Variants in NUCB1 observed in about 807,000 individuals in gnomAD.
NUCB1 encodes nucleobindin-1.
NUCB1 carries 47 observed loss-of-function variants against 61.2 expected under a neutral mutation model. The ratio of observed to expected loss-of-function variants is 0.77; its 90% CI spans 0.61 to 0.98. The LOEUF is 0.98. Ranked by LOEUF, NUCB1 falls within the 50% of genes least tolerant of loss-of-function variation. The pLI, the probability that NUCB1 is intolerant of heterozygous loss-of-function variation, is 0.00. For missense variants in NUCB1, 583 were observed against 605.3 expected (o/e 0.96, Z 0.39); for synonymous variants, 234 against 243.1 (o/e 0.96, Z 0.35).
intron 4 of NUCB1, among the ~76,000 whole-genome samples, chr19:48,907,273 T>A (rs1432197783): frequency 8.1e-6 from 1 of 123,918 alleles, no homozygotes; most frequent in South Asian, 2.7e-4. Context: ...GCGCCTGGCC[T>A]TTTTTTTTTT....
intron 3 of NUCB1, among the ~76,000 whole-genome samples, chr19:48,905,512 G>A (rs1312084080): frequency 6.6e-6 from 1 of 152,064 alleles, no homozygotes; most frequent in Non-Finnish European, 1.5e-5. Flanking sequence ...GTGACCCACC[G>A]CACCTGGCCC....
chr19:48,900,962 G>T, intron 2 of NUCB1, 31 bp downstream of exon 2: 1 of 1,613,304 alleles, frequency 6.2e-7, no homozygotes, highest in Non-Finnish European at 8.5e-7. Context: ...ATCCAGCCAG[G>T]TGTTTGCAGT....
intron 5 of NUCB1, 149 bp from the exon 6 acceptor site, chr19:48,912,862 A>AAAAG (rs56057845): frequency 2.5e-6 from 1 of 399,516 alleles, no homozygotes; most frequent in African/African-American, 2.1e-5. Context: ...AAAAAAAAAA[A>AAAAG]GGGACATTAG....
chr19:48,913,817 G>A (rs77772024), intron 7 of NUCB1, among the ~76,000 whole-genome samples: 15,108 of 152,166 alleles, frequency 0.099, 843 homozygotes, highest in Middle Eastern at 0.16. Context: ...TCCTCTGTAA[G>A]CAAACCAGGC....
intron 5 of NUCB1, 26 bp from the exon 6 acceptor site, chr19:48,912,985 G>A: frequency 8.9e-6 from 14 of 1,568,612 alleles, no homozygotes; most frequent in East Asian, 2.3e-5. Context: ...GGGGGCAGAG[G>A]GGAATGACCC....
chr19:48,908,486 G>A (rs1427329704), intron 4 of NUCB1, among the ~76,000 whole-genome samples: 20 of 152,104 alleles, frequency 1.3e-4, no homozygotes, highest in Non-Finnish European at 2.6e-4. Context: ...AGCGGCCGGC[G>A]CTGGGTCAGC....
chr19:48,910,941 TGTTA>T (rs2037464657), intron 4 of NUCB1: 4 of 476,414 alleles, frequency 8.4e-6, no homozygotes, highest in South Asian at 4.6e-5. Context: ...AGGCACTACA[TGTTA>T]GTTTTTATTA....
intron 2 of NUCB1, among the ~76,000 whole-genome samples, chr19:48,903,435 T>TGGGTGGGG (rs2037373783): frequency 1.2e-5 from 1 of 86,862 alleles, no homozygotes; most frequent in African/African-American, 7.8e-5. Context: ...GGTGGATGAG[T>TGGGTGGGG]GGATGGATGG....
rs761983123 is a variant in NUCB1 at position 48,921,851 on chromosome 19, A to AAGC, written c.1218_1220dup (p.Gln407dup). On this transcript the variant is annotated inframe_insertion, in exon 12 of 13. Coordinates refer to ENST00000405315, the MANE Select transcript of NUCB1 (RefSeq NM_006184.6). ...GGCTGTGCTGCACATGGAGCAGCGGAAGCAGCAGCAGCAGCAGCAGCAAGG... is the reference window on the plus strand; with the variant it reads ...GGCTGTGCTGCACATGGAGCAGCGGAAGCAGCAGCAGCAGCAGCAGCAGCAAGG... The AAGC allele has an allele frequency of 8.4e-5, 135 of 1,612,312 alleles. No individual in the cohort carries two copies. Among genetic ancestry groups the AAGC allele is most frequent in the African/African-American group, 1.9e-4 (14 of 75,012 alleles).
At chr19:48,909,202 C>A (rs1383329545) in intron 4 of NUCB1, among the ~76,000 whole-genome samples, 1 of 151,626 alleles carries the variant, frequency 6.6e-6, no homozygotes, top group Non-Finnish European at 1.5e-5. Context: ...GTGCCTGGCC[C>A]AAATTTCTCC....
chr19:48,915,292 A>G (rs979750669), intron 7 of NUCB1, among the ~76,000 whole-genome samples: 5 of 151,672 alleles, frequency 3.3e-5, no homozygotes, highest in African/African-American at 4.8e-5. Context: ...CAGCCTGGCC[A>G]ACATGGCAAA....
Position 48,913,200 on chromosome 19 carries a change from A to G in NUCB1, c.666+4A>G. 6.2e-7 allele frequency: 1 copy of G among 1,607,498 alleles called. No individual in the cohort carries two copies. The highest frequency in any genetic ancestry group is 8.5e-7 in the Non-Finnish European group (1 of 1,177,102). On this transcript the variant is annotated splice_donor_region_variant and intron_variant, in intron 6 of 12. Coordinates refer to ENST00000405315, the MANE Select transcript of NUCB1 (RefSeq NM_006184.6). Reference sequence around the variant, plus strand: ...GCACCCTAAAGTCAACGTGCCTGTGAGGACCCCATTTGTGCCCATCCACTC... The same window carrying G: ...GCACCCTAAAGTCAACGTGCCTGTGGGGACCCCATTTGTGCCCATCCACTC...
rs758626011 is a variant in NUCB1, at chr19:48,911,227, G to A, written c.455G>A (p.Arg152His). Residue 152 changes from arginine (R) to histidine (H), a missense_variant, in exon 5 of 13, where the codon CGC becomes CAC. Transcript: ENST00000405315. The stretch of plus-strand genomic sequence containing the variant: ...CAGAACCAGCATACATTCGAGGCCC[G>A]CGACCTGGAGCTGCTGATCCAGACG... ...DPQNQHTFEA[R>H]DLELLIQTAT... 1.9e-5 allele frequency: 30 copies of A among 1,613,338 alleles called. No homozygotes were observed. The highest frequency in any genetic ancestry group is 2.3e-5 in the Non-Finnish European group (27 of 1,179,600).
At chr19:48,910,306 G>T (rs559314530) in intron 4 of NUCB1, among the ~76,000 whole-genome samples, 239 of 151,676 alleles carry the variant, frequency 1.6e-3, no homozygotes, top group African/African-American at 5.2e-3. Flanking sequence ...TCAATCTCTT[G>T]ATCTTGTGAT....
intron 2 of NUCB1, among the ~76,000 whole-genome samples, chr19:48,903,256 C>T (rs1044575873): frequency 3.3e-4 from 50 of 152,110 alleles, no homozygotes; most frequent in South Asian, 6.2e-4. Flanking sequence ...CACCCAGCTA[C>T]GCATGACGGG....
Position 48,900,770 on chromosome 19 carries a change from C to A in NUCB1, c.-11-16C>A. On this transcript the variant is annotated splice_polypyrimidine_tract_variant and intron_variant, in intron 1 of 12. Transcript: ENST00000405315. Reference sequence around the variant, plus strand: ...GGACAGACATTATGCATTATCCAGCCCTCCATCCCCCACAGACCACACTGC... The same window carrying A: ...GGACAGACATTATGCATTATCCAGCACTCCATCCCCCACAGACCACACTGC... The A allele has an allele frequency of 6.2e-7, 1 of 1,611,716 alleles. No individual in the cohort carries two copies.
chr19:48,900,741 C>T, intron 1 of NUCB1, 45 bp from the exon 2 acceptor site: 1 of 1,589,880 alleles, frequency 6.3e-7, no homozygotes, highest in Non-Finnish European at 8.6e-7. Flanking sequence ...GAGGAAGAGG[C>T]TTGGGACAGA....
chr19:48,915,760 C>T (rs898978983), intron 7 of NUCB1, among the ~76,000 whole-genome samples: 8 of 151,910 alleles, frequency 5.3e-5, no homozygotes, highest in Middle Eastern at 3.4e-3. Flanking sequence ...CTTGGCCTCC[C>T]GAAGTGCTGG....
At position 48,918,718 on chromosome 19, in the gene NUCB1, C is replaced by T; in HGVS notation, c.758-8C>T. 6.2e-7 allele frequency: 1 copy of T among 1,612,156 alleles called. No individual in the cohort carries two copies. Among genetic ancestry groups the T allele is most frequent in the Non-Finnish European group, 8.5e-7 (1 of 1,178,142 alleles). The stretch of plus-strand genomic sequence containing the variant: ...CCCTGAGATACCTTGCTATCCTCTT[C>T]CCTTCAGATATCAACAGTGATGGTG... On this transcript the variant is annotated splice_region_variant and splice_polypyrimidine_tract_variant and intron_variant, in intron 7 of 12. Coordinates refer to ENST00000405315, the MANE Select transcript of NUCB1 (RefSeq NM_006184.6).
Sources: allele counts gnomAD v4.1 joint callset (sites outside exome capture counted in the v4.1 genomes callset), GRCh38; gene constraint gnomAD v4.1.1; transcripts MANE v1.5; gene names NCBI Gene and HGNC (gene_info 2026-07-23, HGNC 2026-07-21).